The following RBFOX1 variants were observed in gnomAD, a reference collection of about 807,000 sequenced individuals.
RBFOX1 encodes the protein RNA binding fox-1 homolog 1.
In RBFOX1, 8 loss-of-function variants were observed where a neutral mutation model predicts 57.7. The observed-to-expected ratio is 0.14, with a 90% CI of 0.08 to 0.25. The LOEUF is 0.25. RBFOX1 is among the 10% of genes least tolerant of loss of function. The pLI is 1.00. For synonymous variants in RBFOX1, 326 were observed against 222.4 expected (o/e 1.47, Z -4.15); for missense variants, 611 against 548.5 (o/e 1.11, Z -1.14).
chr16:6,862,911 G>A (rs1166720835), intron 3 of RBFOX1, among the ~76,000 whole-genome samples: 1 of 151,814 alleles, frequency 6.6e-6, no homozygotes, highest in Non-Finnish European at 1.5e-5. Context: ...CTTGAACCCA[G>A]GAGGCAGAGG....
intron 3 of RBFOX1, among the ~76,000 whole-genome samples, chr16:5,658,799 GTGTATATATGTATATATAATATA>G (rs2049545015): frequency 7.4e-6 from 1 of 135,180 alleles, no homozygotes; most frequent in African/African-American, 3.4e-5. Context: ...TATAATATAT[GTGTATATATGTATATATAATATA>G]TGTATATATG....
intron 2 of RBFOX1, among the ~76,000 whole-genome samples, chr16:6,637,573 G>GTATATATAGAATAGTCTATATAT (rs1555636927): frequency 2.2e-5 from 3 of 134,110 alleles, no homozygotes; most frequent in South Asian, 2.3e-4. Flanking sequence ...ATTCTATATA[G>GTATATATAGAATAGTCTATATAT]TATATATATA....
At chr16:6,597,365 C>T (rs2097786614) in intron 2 of RBFOX1, among the ~76,000 whole-genome samples, 2 of 152,032 alleles carry the variant, frequency 1.3e-5, no homozygotes, top group African/African-American at 4.8e-5. Flanking sequence ...TCTTCAATAT[C>T]CTAGCCTCCT....
At chr16:6,334,746 C>T (rs758886082) in intron 2 of RBFOX1, among the ~76,000 whole-genome samples, 88 of 152,222 alleles carry the variant, frequency 5.8e-4, no homozygotes, top group South Asian at 1.2e-3. Flanking sequence ...CATTGGAACT[C>T]AGCCGGAAAG....
chr16:5,676,726 G>C (rs1256592530), intron 3 of RBFOX1, among the ~76,000 whole-genome samples: 1 of 152,128 alleles, frequency 6.6e-6, no homozygotes, highest in Non-Finnish European at 1.5e-5. Flanking sequence ...GCCAGTTGTG[G>C]CAGCACATGC....
At chr16:5,274,787 C>T (rs367870013) in intron 1 of RBFOX1, among the ~76,000 whole-genome samples, 1 of 152,212 alleles carries the variant, frequency 6.6e-6, no homozygotes, top group Non-Finnish European at 1.5e-5. Flanking sequence ...CAGGTAAGAT[C>T]TGTCTCTGGC....
At chr16:7,457,497 C>T (rs987111319) in intron 4 of RBFOX1, among the ~76,000 whole-genome samples, 4 of 152,190 alleles carry the variant, frequency 2.6e-5, no homozygotes, top group Non-Finnish European at 1.5e-5. Flanking sequence ...ATTCTTCTAT[C>T]TTCTTTACTT....
intron 1 of RBFOX1, among the ~76,000 whole-genome samples, chr16:6,113,587 C>T (rs1219196036): frequency 6.6e-6 from 1 of 152,132 alleles, no homozygotes; most frequent in African/African-American, 2.4e-5. Flanking sequence ...CCTGTCTCCG[C>T]ATTTGTTGAT....
chr16:6,598,870 C>G (rs1040959008), intron 2 of RBFOX1, among the ~76,000 whole-genome samples: 1 of 152,134 alleles, frequency 6.6e-6, no homozygotes, highest in Non-Finnish European at 1.5e-5. Flanking sequence ...CACTTGAATC[C>G]AGGAGATGGA....
At chr16:7,532,146 T>TTTC (rs1555558571) in intron 5 of RBFOX1, among the ~76,000 whole-genome samples, 1 of 147,642 alleles carries the variant, frequency 6.8e-6, no homozygotes, top group Non-Finnish European at 1.5e-5. Flanking sequence ...TTTTTTTTTT[T>TTTC]CACTAAGAAA....
At chr16:6,369,437 A>G (rs964552747) in intron 2 of RBFOX1, among the ~76,000 whole-genome samples, 2 of 152,244 alleles carry the variant, frequency 1.3e-5, no homozygotes, top group African/African-American at 2.4e-5. Flanking sequence ...TAGACATAGC[A>G]TCTCTACCCA....
At chr16:7,491,040 A>G (rs1466975602) in intron 4 of RBFOX1, among the ~76,000 whole-genome samples, 3 of 152,142 alleles carry the variant, frequency 2.0e-5, no homozygotes, top group Non-Finnish European at 4.4e-5. Flanking sequence ...CATCAACTCC[A>G]GATTCTAAAG....
At chr16:7,295,824 C>G (rs1364604355) in intron 4 of RBFOX1, among the ~76,000 whole-genome samples, 2 of 152,144 alleles carry the variant, frequency 1.3e-5, no homozygotes, top group Non-Finnish European at 2.9e-5. Context: ...CAAGAATAAA[C>G]TCTGGTGATC....
intron 14 of RBFOX1, among the ~76,000 whole-genome samples, chr16:7,691,252 C>T (rs2077252868): frequency 6.6e-6 from 1 of 151,952 alleles, no homozygotes; most frequent in Admixed American, 6.6e-5. Flanking sequence ...TAATCTAAGC[C>T]AACTCTTTTG....
At chr16:7,124,005 A>T (rs1600196704) in intron 4 of RBFOX1, among the ~76,000 whole-genome samples, 1 of 152,276 alleles carries the variant, frequency 6.6e-6, no homozygotes, top group East Asian at 1.9e-4. Flanking sequence ...ATGTCTATTT[A>T]ATTCTAAAAA....
At chr16:6,635,318 T>G (rs541701899) in intron 2 of RBFOX1, among the ~76,000 whole-genome samples, 3 of 152,154 alleles carry the variant, frequency 2.0e-5, no homozygotes, top group African/African-American at 7.2e-5. Context: ...GATAACTTCA[T>G]GAAAAAGTCA....
At chr16:7,179,620 G>A (rs2082307876) in intron 4 of RBFOX1, among the ~76,000 whole-genome samples, 4 of 152,006 alleles carry the variant, frequency 2.6e-5, no homozygotes. Context: ...ATTAAATTAG[G>A]AAGCTGACCA....
chr16:7,127,449 A>T (rs924146201), intron 4 of RBFOX1, among the ~76,000 whole-genome samples: 1 of 152,180 alleles, frequency 6.6e-6, no homozygotes, highest in African/African-American at 2.4e-5. Context: ...TGTTATGTCA[A>T]GGTAGGGAGA....
chr16:7,657,245 A>G (rs2066526798), intron 12 of RBFOX1, among the ~76,000 whole-genome samples: 1 of 152,216 alleles, frequency 6.6e-6, no homozygotes, highest in African/African-American at 2.4e-5. Flanking sequence ...GAGATATCCA[A>G]CATAAAGATA....
Sources: allele counts gnomAD v4.1 joint callset (sites outside exome capture counted in the v4.1 genomes callset), GRCh38; gene constraint gnomAD v4.1.1; transcripts MANE v1.5; gene names NCBI Gene and HGNC (gene_info 2026-07-23, HGNC 2026-07-21).